The following LMX1A variants were observed in gnomAD, a reference collection of about 807,000 sequenced individuals.
LMX1A encodes the protein LIM homeobox transcription factor 1 alpha.
In LMX1A, 15 loss-of-function variants were observed where a neutral mutation model predicts 49.1. That is an observed-to-expected ratio of 0.31 (90% CI 0.20 to 0.47). The LOEUF (loss-of-function observed/expected upper bound fraction) is 0.47. LMX1A is among the 20% of genes least tolerant of loss of function. LMX1A has a pLI of 1.00. For synonymous variants in LMX1A, 167 were observed against 185.7 expected (o/e 0.90, Z 0.82); for missense variants, 372 against 475.8 (o/e 0.78, Z 2.03).
chr1:165,294,490 C>G (rs997790318), intron 3 of LMX1A, among the ~76,000 whole-genome samples: 6 of 152,246 alleles, frequency 3.9e-5, no homozygotes, highest in Non-Finnish European at 7.3e-5. Flanking sequence ...CACAGCCCCT[C>G]TGGGATGACA....
intron 3 of LMX1A, among the ~76,000 whole-genome samples, chr1:165,291,528 G>A (rs1210335605): frequency 6.6e-6 from 1 of 152,172 alleles, no homozygotes; most frequent in African/African-American, 2.4e-5. Flanking sequence ...ATGACTCTGA[G>A]TACAGCCAGA....
chr1:165,351,327 C>T (rs944583948), intron 3 of LMX1A, among the ~76,000 whole-genome samples: 1 of 152,088 alleles, frequency 6.6e-6, no homozygotes, highest in African/African-American at 2.4e-5. Context: ...CAAAAGCTTT[C>T]GATGAAAAGC....
chr1:165,216,666 C>A (rs756745752), intron 4 of LMX1A, among the ~76,000 whole-genome samples: 2 of 152,154 alleles, frequency 1.3e-5, no homozygotes, highest in Non-Finnish European at 2.9e-5. Flanking sequence ...CTTGCATTGA[C>A]CCTTTTACAG....
chr1:165,245,404 T>C (rs115431600), intron 4 of LMX1A, among the ~76,000 whole-genome samples: 590 of 152,282 alleles, frequency 3.9e-3, no homozygotes, highest in Middle Eastern at 0.01. Flanking sequence ...CTACCCTACG[T>C]TGAACCAAAA....
chr1:165,206,010 G>A lies in LMX1A; in HGVS notation c.842C>T (p.Ala281Val), dbSNP rs1479252739. ...SSAQTNGGGS[A>V]GMEGIMNPYT... is the part of the protein sequence containing the mutation. ...GGGGTTCATGATTCCTTCCATCCCAGCACTCCCACCACCGTTTGTCTGAGC... is the reference window on the plus strand; with the variant it reads ...GGGGTTCATGATTCCTTCCATCCCAACACTCCCACCACCGTTTGTCTGAGC... The change falls in exon 8 of 9, where the codon GCT becomes GTT. Residue 281 changes from alanine (A) to valine (V), a missense_variant. Physicochemically the swap from Ala to Val is moderately conservative, Grantham distance 64. This residue lies in a region of LMX1A where 127 missense variants were observed against 138.0 expected (regional missense o/e 0.92). Coordinates refer to ENST00000342310, the MANE Select transcript of LMX1A (RefSeq NM_177398.4). 1 of 1,583,384 alleles carries A rather than the reference G, an allele frequency of 6.3e-7. No individual in the cohort carries two copies. Among genetic ancestry groups the A allele is most frequent in the Non-Finnish European group, 8.6e-7 (1 of 1,165,318 alleles).
chr1:165,347,356 A>C (rs544122662), intron 3 of LMX1A, among the ~76,000 whole-genome samples: 13 of 152,358 alleles, frequency 8.5e-5, no homozygotes, highest in Admixed American at 1.3e-4. Context: ...AAACATATAG[A>C]GTATTCCTAA....
chr1:165,263,569 A>G (rs12411054), intron 3 of LMX1A, among the ~76,000 whole-genome samples: 16,086 of 152,186 alleles, frequency 0.11, 968 homozygotes, highest in Admixed American at 0.15. Flanking sequence ...TGCCTCCACC[A>G]TATCTTCCCT....
At chr1:165,217,126 T>C (rs975043111) in intron 4 of LMX1A, among the ~76,000 whole-genome samples, 6 of 152,208 alleles carry the variant, frequency 3.9e-5, no homozygotes, top group African/African-American at 1.4e-4. Flanking sequence ...TCTCTCTCTT[T>C]GCAGATATGA....
intron 3 of LMX1A, among the ~76,000 whole-genome samples, chr1:165,310,967 T>C (rs2101733671): frequency 6.6e-6 from 1 of 152,352 alleles, no homozygotes; most frequent in East Asian, 1.9e-4. Context: ...ATGACAATAT[T>C]CACCATGATG....
intron 4 of LMX1A, among the ~76,000 whole-genome samples, chr1:165,216,988 A>G (rs574880146): frequency 4.6e-5 from 7 of 152,366 alleles, no homozygotes; most frequent in Non-Finnish European, 1.0e-4. Context: ...ATTGGTATTT[A>G]ATAAATCACA....
At chr1:165,305,758 GCA>G (rs1421481353) in intron 3 of LMX1A, among the ~76,000 whole-genome samples, 3 of 152,124 alleles carry the variant, frequency 2.0e-5, no homozygotes. Context: ...TCACTCATGG[GCA>G]CACAGCCCAC....
At position 165,356,577 on chromosome 1, in the gene LMX1A, G is replaced by A. The variant is rs1056318509; in HGVS notation, c.-245C>T. ...GTGGTCGCGAGCTGCCGGCCTTCCC[G>A]GGACGTCCTACCAGCCCGCGTCGCT... On this transcript the variant is annotated 5_prime_UTR_variant, in exon 1 of 9. Coordinates refer to ENST00000342310, the MANE Select transcript of LMX1A (RefSeq NM_177398.4). 2 of 152,364 alleles carry A rather than the reference G, an allele frequency of 1.3e-5. No homozygotes were observed. Among genetic ancestry groups the A allele is most frequent in the African/African-American group, 4.8e-5 (2 of 41,572 alleles). The allele number at this position is 152,364 out of a possible 1,614,324, so 9.4% of individuals were successfully genotyped here.
intron 3 of LMX1A, among the ~76,000 whole-genome samples, chr1:165,254,238 C>T (rs1283805606): frequency 6.6e-6 from 1 of 152,116 alleles, no homozygotes; most frequent in African/African-American, 2.4e-5. Context: ...TTTCATCCCC[C>T]ACTCCAAAAA....
chr1:165,274,959 G>A (rs1042332276), intron 3 of LMX1A, among the ~76,000 whole-genome samples: 27 of 152,264 alleles, frequency 1.8e-4, no homozygotes, highest in African/African-American at 5.1e-4. Context: ...ATAATTGGTA[G>A]TAATTCCCAT....
At chr1:165,284,950 C>T (rs1476110082) in intron 3 of LMX1A, among the ~76,000 whole-genome samples, 1 of 152,196 alleles carries the variant, frequency 6.6e-6, no homozygotes, top group Admixed American at 6.5e-5. Context: ...TTTAGGAGAG[C>T]AAGAGTGCTT....
chr1:165,256,287 G>A (rs2102644161), intron 3 of LMX1A, among the ~76,000 whole-genome samples: 1 of 152,282 alleles, frequency 6.6e-6, no homozygotes, highest in Admixed American at 6.5e-5. Context: ...GCTCAAAAGT[G>A]CTGCCTTTTC....
In LMX1A at chr1:165,323,593, C is replaced by A. The variant is rs74118590; in HGVS notation, c.263+29483G>T. Among the ~76,000 whole-genome samples the A allele has an allele frequency of 2.2e-3, 342 of 152,266 alleles. 1 individual carries two copies. The highest frequency in any genetic ancestry group is 7.8e-3 in the African/African-American group (326 of 41,552). ...TGCCACGTAAAGTCACCTTCTGTAC[C>A]ATCTCTAGCAGCACACATGGTAAAC... On this transcript the variant is annotated intron_variant, in intron 3 of 8. Coordinates refer to ENST00000342310, the MANE Select transcript of LMX1A (RefSeq NM_177398.4).
chr1:165,307,611 A>G (rs1299116300), intron 3 of LMX1A, among the ~76,000 whole-genome samples: 2 of 152,160 alleles, frequency 1.3e-5, no homozygotes, highest in Non-Finnish European at 2.9e-5. Flanking sequence ...ATGTGCTGAG[A>G]TTGTAGTAGA....
chr1:165,220,397 G>T (rs1412731107), intron 4 of LMX1A, among the ~76,000 whole-genome samples: 2 of 152,172 alleles, frequency 1.3e-5, no homozygotes, highest in African/African-American at 2.4e-5. Flanking sequence ...GAAGAAGGAG[G>T]TGTTACAAAG....
Sources: gnomAD v4.1 joint callset for allele counts (sites outside exome capture counted in the v4.1 genomes callset) on GRCh38, gnomAD v4.1.1 for gene constraint, gnomAD v4.1.1 regional missense constraint, MANE v1.5 for transcripts, NCBI Gene and HGNC (gene_info 2026-07-23, HGNC 2026-07-21) for gene names.